The following LHFPL6 variants were observed in gnomAD, a reference collection of about 807,000 sequenced individuals.
LHFPL6 encodes LHFPL tetraspan subfamily member 6 protein.
A neutral mutation model predicts 20.6 loss-of-function variants in LHFPL6; 9 were observed. The ratio of observed to expected loss-of-function variants is 0.44; its 90% CI spans 0.26 to 0.76. The LOEUF is 0.76. LHFPL6 is among the 30% of genes least tolerant of loss of function. The probability of loss-of-function intolerance (pLI) is 0.20; values close to 1 mark genes in which losing one functional copy is unlikely to be tolerated. For synonymous variants in LHFPL6, 105 were observed against 98.7 expected (o/e 1.06, Z -0.38); for missense variants, 218 against 253.5 (o/e 0.86, Z 0.95).
At chr13:39,391,661 T>C (rs1211334319) in intron 2 of LHFPL6, among the ~76,000 whole-genome samples, 1 of 152,228 alleles carries the variant, frequency 6.6e-6, no homozygotes, top group Non-Finnish European at 1.5e-5. Flanking sequence ...TATGCTCATA[T>C]AGCAACTTTT....
chr13:39,351,372 A>G (rs1330199510), intron 3 of LHFPL6, among the ~76,000 whole-genome samples: 1 of 151,588 alleles, frequency 6.6e-6, no homozygotes, highest in African/African-American at 2.4e-5. Context: ...TAACTTACCC[A>G]TTATCTCAAA....
rs1363611719 is a variant in LHFPL6 at position 39,495,850 on chromosome 13, G to C, written c.385+104982C>G. 7.8e-5 allele frequency among the ~76,000 whole-genome samples: 11 copies of C among 141,568 alleles called. No individual in the cohort carries two copies. The Admixed American group carries it at 8.5e-4, about 11-fold the overall frequency. 92.9% of individuals were successfully genotyped at this position (141,568 alleles called of 152,430 possible). ...TGCTGCATGGCCAGGGTTGGGACCA[G>C]CAGTGTTGTAGAAAGACTTCAGGCT... On this transcript the variant is annotated intron_variant, in intron 2 of 3. Transcript: ENST00000379589.
intron 2 of LHFPL6, among the ~76,000 whole-genome samples, chr13:39,517,493 A>C (rs1317009727): frequency 6.6e-6 from 1 of 152,134 alleles, no homozygotes; most frequent in Non-Finnish European, 1.5e-5. Context: ...ATCCTTTATC[A>C]CTATTGTCTA....
At chr13:39,481,257 G>T (rs551002723) in intron 2 of LHFPL6, among the ~76,000 whole-genome samples, 1 of 152,064 alleles carries the variant, frequency 6.6e-6, no homozygotes, top group Non-Finnish European at 1.5e-5. Flanking sequence ...AGTAAACAAG[G>T]ATTAGAGGAA....
chr13:39,423,823 T>C (rs964303826), intron 2 of LHFPL6, among the ~76,000 whole-genome samples: 3 of 152,222 alleles, frequency 2.0e-5, no homozygotes, highest in Admixed American at 6.5e-5. Context: ...GATGCTTTTA[T>C]CAAAGCAACA....
At chr13:39,515,727 C>T (rs1394924056) in intron 2 of LHFPL6, among the ~76,000 whole-genome samples, 1 of 152,080 alleles carries the variant, frequency 6.6e-6, no homozygotes, top group African/African-American at 2.4e-5. Context: ...CATTGTCTTC[C>T]CTGCCATACA....
At chr13:39,547,052 A>C (rs9576848) in intron 2 of LHFPL6, among the ~76,000 whole-genome samples, 75,503 of 151,674 alleles carry the variant, frequency 0.5, 19,793 homozygotes, top group African/African-American at 0.66. Flanking sequence ...CCCTAACAGC[A>C]TGAAGCCTCT....
chr13:39,561,338 C>A (rs1037245832), intron 2 of LHFPL6, among the ~76,000 whole-genome samples: 2 of 152,086 alleles, frequency 1.3e-5, no homozygotes, highest in African/African-American at 2.4e-5. Flanking sequence ...AATCTTGAGT[C>A]GTCTTCAAAC....
intron 2 of LHFPL6, among the ~76,000 whole-genome samples, chr13:39,403,146 AG>A (rs1299986829): frequency 6.6e-6 from 1 of 152,248 alleles, no homozygotes; most frequent in Non-Finnish European, 1.5e-5. Context: ...AGGGAAAAAC[AG>A]GGATCAATAC....
chr13:39,495,478 G>C (rs1315460145), intron 2 of LHFPL6, among the ~76,000 whole-genome samples: 1 of 152,076 alleles, frequency 6.6e-6, no homozygotes, highest in Non-Finnish European at 1.5e-5. Flanking sequence ...CAATATTTCA[G>C]TTATAGGCAT....
At chr13:39,544,760 C>T (rs1299913729) in intron 2 of LHFPL6, among the ~76,000 whole-genome samples, 2 of 152,034 alleles carry the variant, frequency 1.3e-5, no homozygotes, top group Non-Finnish European at 2.9e-5. Flanking sequence ...TGGGAAAAGT[C>T]CTAAGGAATG....
intron 2 of LHFPL6, among the ~76,000 whole-genome samples, chr13:39,385,528 C>T (rs997503999): frequency 6.6e-5 from 10 of 152,244 alleles, no homozygotes; most frequent in African/African-American, 2.4e-4. Flanking sequence ...TGGCCGTAAA[C>T]CACCTACAGG....
At chr13:39,574,601 G>T (rs1415620080) in intron 2 of LHFPL6, among the ~76,000 whole-genome samples, 1 of 152,016 alleles carries the variant, frequency 6.6e-6, no homozygotes, top group Admixed American at 6.5e-5. Flanking sequence ...ATTTTTGCGT[G>T]TTAAAATCTT....
intron 2 of LHFPL6, among the ~76,000 whole-genome samples, chr13:39,560,707 C>T (rs945873942): frequency 3.3e-5 from 5 of 151,780 alleles, no homozygotes; most frequent in African/African-American, 4.8e-5. Flanking sequence ...TTAGTAGAGA[C>T]GGTTTCACCG....
chr13:39,432,355 C>T (rs2138406072), intron 2 of LHFPL6, among the ~76,000 whole-genome samples: 1 of 152,166 alleles, frequency 6.6e-6, no homozygotes, highest in South Asian at 2.1e-4. Flanking sequence ...ATGGCTTTCC[C>T]CTCTGTCCAT....
At chr13:39,458,690 G>T (rs1046429615) in intron 2 of LHFPL6, among the ~76,000 whole-genome samples, 5 of 134,606 alleles carry the variant, frequency 3.7e-5, no homozygotes, top group Non-Finnish European at 7.6e-5. Context: ...GCAATACCCT[G>T]CCTAAAAAAA....
chr13:39,557,615 C>A (rs868641981), intron 2 of LHFPL6, among the ~76,000 whole-genome samples: 6 of 152,324 alleles, frequency 3.9e-5, no homozygotes, highest in Middle Eastern at 6.8e-3. Context: ...TGTTTTACAA[C>A]GTGAGAAGGA....
rs111291020 is a variant in LHFPL6, at chr13:39,444,036, G to A, written c.386-65510C>T. Among the ~76,000 whole-genome samples the A allele has an allele frequency of 2.3e-3, 343 of 152,200 alleles. 1 individual carries two copies. Among genetic ancestry groups the A allele is most frequent in the African/African-American group, 7.5e-3 (310 of 41,532 alleles). Reference sequence around the variant, plus strand: ...AGATGTAATCACATCATAAGTCAAGGAGCATTGGAAAGTGGAATAAAGGCC... The same window carrying A: ...AGATGTAATCACATCATAAGTCAAGAAGCATTGGAAAGTGGAATAAAGGCC... On this transcript the variant is annotated intron_variant, in intron 2 of 3. Transcript: ENST00000379589.
At chr13:39,363,641 T>C (rs1869936285) in intron 3 of LHFPL6, among the ~76,000 whole-genome samples, 1 of 152,206 alleles carries the variant, frequency 6.6e-6, no homozygotes, top group Admixed American at 6.5e-5. Context: ...CCCATGTCTC[T>C]TGAATGTGTT....
Sources: gnomAD v4.1 joint callset for allele counts (sites outside exome capture counted in the v4.1 genomes callset) on GRCh38, gnomAD v4.1.1 for gene constraint, MANE v1.5 for transcripts, NCBI Gene and HGNC (gene_info 2026-07-23, HGNC 2026-07-21) for gene names.